Variants in KCNK13 observed in about 807,000 individuals in gnomAD.
The protein encoded by KCNK13 is potassium channel subfamily K member 13.
In KCNK13, 12 loss-of-function variants were observed where a neutral mutation model predicts 23.4. That is an observed-to-expected ratio of 0.51 (90% CI 0.33 to 0.83). The LOEUF (loss-of-function observed/expected upper bound fraction) is 0.83. KCNK13 is among the 40% of genes least tolerant of loss of function. KCNK13 has a pLI of 0.02. For synonymous variants in KCNK13, 231 were observed against 229.5 expected, an observed-to-expected ratio of 1.01 and a Z score of -0.06; for missense variants, 463 against 556.3, an observed-to-expected ratio of 0.83 and a Z score of 1.69.
chr14:90,091,563 G>A (rs1889343729), intron 1 of KCNK13, among the ~76,000 whole-genome samples: 1 of 152,194 alleles, frequency 6.6e-6, no homozygotes, highest in South Asian at 2.1e-4. Flanking sequence ...TTTGGATAAT[G>A]CCCAAAAGCC....
In KCNK13 at chr14:90,146,342, A is replaced by G. The variant is rs145905669; in HGVS notation, c.335-37769A>G. The stretch of plus-strand genomic sequence containing the variant: ...GAATATCTTTTTTAGTGGGGGGGCA[A>G]TCTCGCTCTGTCACCCAGGCTGGAG... On this transcript the variant is annotated intron_variant, in intron 1 of 1. Transcript: ENST00000282146. Among the ~76,000 whole-genome samples, 1,017 of 151,970 alleles carry G rather than the reference A, an allele frequency of 6.7e-3. 12 individuals are homozygous for G. The highest frequency in any genetic ancestry group is 0.023 in the African/African-American group (935 of 41,438).
intron 1 of KCNK13, among the ~76,000 whole-genome samples, chr14:90,110,195 G>T (rs771698743): frequency 2.6e-5 from 4 of 152,122 alleles, no homozygotes; most frequent in Non-Finnish European, 5.9e-5. Context: ...TAATGTGCGT[G>T]CAGATTACCA....
At chr14:90,120,120 T>C (rs888191014) in intron 1 of KCNK13, among the ~76,000 whole-genome samples, 3 of 152,194 alleles carry the variant, frequency 2.0e-5, no homozygotes, top group Non-Finnish European at 1.5e-5. Context: ...TCTGTGTCCA[T>C]GTGTTCTCAT....
chr14:90,174,168 G>A (rs1020251635), intron 1 of KCNK13, among the ~76,000 whole-genome samples: 1 of 152,056 alleles, frequency 6.6e-6, no homozygotes, highest in African/African-American at 2.4e-5. Context: ...AAATTAGCCG[G>A]GTGTGGTGGT....
intron 1 of KCNK13, among the ~76,000 whole-genome samples, chr14:90,090,142 G>A (rs755438547): frequency 2.6e-5 from 4 of 152,172 alleles, no homozygotes; most frequent in African/African-American, 7.2e-5. Context: ...TCAATCCACC[G>A]ACCGCTTGCA....
chr14:90,113,807 C>T (rs1889642982), intron 1 of KCNK13, among the ~76,000 whole-genome samples: 1 of 152,074 alleles, frequency 6.6e-6, no homozygotes, highest in African/African-American at 2.4e-5. Flanking sequence ...GTGGCATGTG[C>T]CTGTAGTCCC....
In KCNK13 at chr14:90,062,104, G is replaced by A; in HGVS notation, c.-102G>A. ...GGGCGAGCCGGCGGTGGGGCGCCCG[G>A]GAGCTGGCTGAGCGCCGGGGCCCTT... On this transcript the variant is annotated 5_prime_UTR_variant, in exon 1 of 2. Transcript: ENST00000282146. The surrounding 1 kb of genome is among the most constrained non-coding windows in gnomAD (Gnocchi z 4.5). The A allele has an allele frequency of 1.3e-6, 1 of 781,940 alleles. No individual in the cohort carries two copies. Among genetic ancestry groups the A allele is most frequent in the Non-Finnish European group, 1.8e-6 (1 of 563,224 alleles). 48.4% of individuals were successfully genotyped at this position (781,940 alleles called of 1,614,324 possible). A position where few individuals can be genotyped will look rare whatever the true frequency, so the allele number is the denominator to read the frequency against.
At chr14:90,085,488 GTC>G (rs1566948747) in intron 1 of KCNK13, among the ~76,000 whole-genome samples, 1 of 150,486 alleles carries the variant, frequency 6.6e-6, no homozygotes, top group Non-Finnish European at 1.5e-5. Flanking sequence ...GCGAAACCCT[GTC>G]TCTACTAAAA....
At chr14:90,094,778 G>T (rs1466475082) in intron 1 of KCNK13, among the ~76,000 whole-genome samples, 6 of 151,094 alleles carry the variant, frequency 4.0e-5, no homozygotes, top group Non-Finnish European at 8.8e-5. Context: ...CTCCCGAGTA[G>T]CTGGGACCAC....
intron 1 of KCNK13, among the ~76,000 whole-genome samples, chr14:90,156,309 C>T (rs1214397148): frequency 6.6e-6 from 1 of 151,840 alleles, no homozygotes; most frequent in Non-Finnish European, 1.5e-5. Flanking sequence ...AGAAGAGGCC[C>T]CAGGACTGAG....
chr14:90,087,793 T>C (rs1889298542), intron 1 of KCNK13, among the ~76,000 whole-genome samples: 1 of 152,150 alleles, frequency 6.6e-6, no homozygotes, highest in Admixed American at 6.5e-5. Context: ...CTTTGTACAG[T>C]GTAGGGGACT....
At chr14:90,080,061 A>T (rs1889188836) in intron 1 of KCNK13, among the ~76,000 whole-genome samples, 1 of 152,202 alleles carries the variant, frequency 6.6e-6, no homozygotes. Flanking sequence ...TTGTCTGAGG[A>T]CGGGATACCA....
intron 1 of KCNK13, among the ~76,000 whole-genome samples, chr14:90,118,790 C>G (rs77831812): frequency 0.057 from 8,718 of 152,132 alleles, 378 homozygotes; most frequent in East Asian, 0.21. Context: ...TAACCAAAAT[C>G]AGACCTGAAC....
chr14:90,119,211 T>C (rs1449563700), intron 1 of KCNK13, among the ~76,000 whole-genome samples: 1 of 152,070 alleles, frequency 6.6e-6, no homozygotes, highest in African/African-American at 2.4e-5. Context: ...TTCTACCAGA[T>C]GTACAAAGAA....
chr14:90,114,876 C>T (rs989185456), intron 1 of KCNK13, among the ~76,000 whole-genome samples: 4 of 152,180 alleles, frequency 2.6e-5, no homozygotes, highest in Non-Finnish European at 5.9e-5. Context: ...GTAGCAGCCT[C>T]GCAGTGTGGG....
intron 1 of KCNK13, among the ~76,000 whole-genome samples, chr14:90,120,299 C>T (rs758504430): frequency 2.0e-5 from 3 of 152,148 alleles, no homozygotes; most frequent in Non-Finnish European, 4.4e-5. Context: ...TGTGTCTGTG[C>T]ACTATTCCAG....
Position 90,087,818 on chromosome 14 carries a change from C to T in KCNK13, c.334+25279C>T, listed in dbSNP as rs117354573. On this transcript the variant is annotated intron_variant, in intron 1 of 1. Transcript: ENST00000282146. ...TGTAGGGGACTTTGTTCAGAGTTCC[C>T]GCCCTGCTCCCTTGTCTCTGCCTTC... Among the ~76,000 whole-genome samples the T allele has an allele frequency of 1.5e-3, 228 of 152,060 alleles. 2 individuals carry two copies. In the East Asian group the frequency reaches 0.041, roughly 27 times the overall value.
At chr14:90,105,791 C>T (rs971119908) in intron 1 of KCNK13, among the ~76,000 whole-genome samples, 4 of 152,056 alleles carry the variant, frequency 2.6e-5, no homozygotes, top group African/African-American at 7.2e-5. Flanking sequence ...TTTCTGCATA[C>T]GAAAGAAAAG....
intron 1 of KCNK13, among the ~76,000 whole-genome samples, chr14:90,109,631 C>T (rs995925022): frequency 5.3e-5 from 8 of 151,682 alleles, no homozygotes; most frequent in Non-Finnish European, 1.5e-5. Context: ...AGGAAGGTCT[C>T]GATCTCCTGA....
Sources: allele counts gnomAD v4.1 joint callset (sites outside exome capture counted in the v4.1 genomes callset), GRCh38; gene constraint gnomAD v4.1.1; non-coding constraint Gnocchi (gnomAD v3.1); transcripts MANE v1.5; gene names NCBI Gene and HGNC (gene_info 2026-07-23, HGNC 2026-07-21).